Variants in LTBP1 observed in about 807,000 individuals in gnomAD.
LTBP1 encodes latent transforming growth factor beta binding protein 1.
Under a neutral mutation model 207.6 loss-of-function variants are expected in LTBP1, and 129 were observed. The ratio of observed to expected loss-of-function variants is 0.62; its 90% confidence interval spans 0.54 to 0.72. The LOEUF is 0.72. Ranked by LOEUF, LTBP1 falls within the 30% of genes least tolerant of loss-of-function variation. LTBP1 has a pLI of 0.00. For synonymous variants in LTBP1, 963 were observed against 833.7 expected, an observed-to-expected ratio of 1.16 and a Z score of -2.67; for missense variants, 2,281 against 2,217.2, an observed-to-expected ratio of 1.03 and a Z score of -0.58.
chr2:33,020,996 G>A lies in LTBP1; in HGVS notation c.653G>A (p.Cys218Tyr). 1 of 1,613,898 alleles carries A rather than the reference G, an allele frequency of 6.2e-7. No homozygotes were observed. The highest frequency in any genetic ancestry group is 8.5e-7 in the Non-Finnish European group (1 of 1,179,834). The part of the protein sequence containing the change: ...VCKPGTKGKA[C>Y]ETIAAQDTSS... ...AAACCAGGGACCAAGGGCAAAGCCT[G>A]TGAAACAATAGCTGCCCAGGACACC... Residue 218 changes from cysteine (C) to tyrosine (Y), a missense_variant, in exon 3 of 34, where the codon TGT (cysteine) becomes TAT (tyrosine). Around this residue, in one of 3 missense-constraint regions of LTBP1, gnomAD observed 555 missense variants for 491.0 expected, o/e 1.13. Coordinates refer to ENST00000404816, the MANE Select transcript of LTBP1 (RefSeq NM_206943.4).
intron 20 of LTBP1, among the ~76,000 whole-genome samples, chr2:33,296,907 C>T (rs937158882): frequency 6.6e-6 from 1 of 152,046 alleles, no homozygotes; most frequent in African/African-American, 2.4e-5. Context: ...GGAAATAATA[C>T]AGGGACAGAG....
At chr2:33,253,243 TTGAG>T (rs61065171) in intron 11 of LTBP1, among the ~76,000 whole-genome samples, 2,452 of 152,302 alleles carry the variant, frequency 0.016, 25 homozygotes, top group Non-Finnish European at 0.025. Context: ...TACTCATTTA[TTGAG>T]TATCGTGCTT....
intron 23 of LTBP1, among the ~76,000 whole-genome samples, chr2:33,311,535 GA>G (rs11450471): frequency 1.0e-3 from 142 of 138,332 alleles, no homozygotes; most frequent in Middle Eastern, 3.7e-3. Flanking sequence ...CCAAGAGATG[GA>G]AAAAAAAAAA....
chr2:32,949,124 A>G (rs1292941508), intron 2 of LTBP1, among the ~76,000 whole-genome samples, 179 bp downstream of exon 2: 2 of 152,208 alleles, frequency 1.3e-5, no homozygotes, highest in Non-Finnish European at 2.9e-5. Flanking sequence ...GTTAGTATCA[A>G]TGCCAGCAGC....
chr2:33,345,616 C>G (rs2094691666), intron 25 of LTBP1, among the ~76,000 whole-genome samples: 1 of 152,154 alleles, frequency 6.6e-6, no homozygotes, highest in South Asian at 2.1e-4. Flanking sequence ...GTATTTTTCA[C>G]AAGTGAAACC....
chr2:32,979,526 G>A (rs1005923154), intron 2 of LTBP1, among the ~76,000 whole-genome samples: 7 of 151,910 alleles, frequency 4.6e-5, no homozygotes, highest in African/African-American at 1.7e-4. Context: ...ATTGATTTCT[G>A]GTTTTATTCT....
intron 31 of LTBP1, among the ~76,000 whole-genome samples, chr2:33,372,646 G>A (rs957097796): frequency 6.6e-6 from 1 of 151,940 alleles, no homozygotes; most frequent in Non-Finnish European, 1.5e-5. Flanking sequence ...GGCAGAGGTG[G>A]GCAGATCACT....
In LTBP1 at chr2:33,129,301, A is replaced by C. The variant is rs373232834; in HGVS notation, c.1034-5492A>C. ...TTTAGGGATGCGGAACACCCAGAAA[A>C]GTTCAGGACAGGCTCCGGACTGCAG... is the stretch of plus-strand genomic sequence containing the variant. On this transcript the variant is annotated intron_variant, in intron 4 of 33. Coordinates refer to ENST00000404816, the MANE Select transcript of LTBP1 (RefSeq NM_206943.4). Among the ~76,000 whole-genome samples the C allele has an allele frequency of 1.1e-4, 17 of 152,308 alleles. No individual in the cohort carries two copies. In the South Asian group the frequency reaches 3.5e-3, roughly 32 times the overall value.
rs946777010 is a variant in LTBP1, at chr2:33,389,442, G to T, written c.4834+136G>T. 3.0e-5 allele frequency: 36 copies of T among 1,198,584 alleles called. No homozygotes were observed. In the Admixed American group the frequency reaches 5.7e-4, roughly 19 times the overall value. 74.2% of individuals were successfully genotyped at this position (1,198,584 alleles called of 1,614,324 possible). On this transcript the variant is annotated intron_variant, in intron 32 of 33. Coordinates refer to ENST00000404816, the MANE Select transcript of LTBP1 (RefSeq NM_206943.4). Reference sequence around the variant, plus strand: ...CCAGACCTGCTGGTCAGAAAGTCTAGGGTGGGACCCAGCCATCTTTGTTTC... The same window carrying T: ...CCAGACCTGCTGGTCAGAAAGTCTATGGTGGGACCCAGCCATCTTTGTTTC...
At chr2:32,979,370 C>T (rs928844131) in intron 2 of LTBP1, among the ~76,000 whole-genome samples, 3 of 151,930 alleles carry the variant, frequency 2.0e-5, no homozygotes, top group African/African-American at 7.2e-5. Flanking sequence ...TGCTGTATCC[C>T]ATAGGTATAG....
chr2:33,123,787 C>G (rs568827550), intron 4 of LTBP1, among the ~76,000 whole-genome samples: 2 of 152,278 alleles, frequency 1.3e-5, no homozygotes, highest in South Asian at 2.1e-4. Flanking sequence ...GCATGCCAAC[C>G]ATGGTACTAA....
At position 33,132,664 on chromosome 2, in the gene LTBP1, C is replaced by T. The variant is rs78172516; in HGVS notation, c.1034-2129C>T. On this transcript the variant is annotated intron_variant, in intron 4 of 33. Transcript: ENST00000404816. ...TCTGCTTGGCCACTAGGACATCTTG[C>T]CATTTCAGACAACATGTCTTGATCC... is the stretch of plus-strand genomic sequence containing the variant. Among the ~76,000 whole-genome samples the T allele has an allele frequency of 8.0e-3, 1,219 of 152,230 alleles. 11 individuals are homozygous for T. The highest frequency in any genetic ancestry group is 0.012 in the East Asian group (63 of 5,172).
chr2:33,017,979 T>C (rs969821521), intron 2 of LTBP1, among the ~76,000 whole-genome samples: 3 of 152,164 alleles, frequency 2.0e-5, no homozygotes, highest in Non-Finnish European at 4.4e-5. Flanking sequence ...CTCCGTGCTC[T>C]AGGGGGCACC....
chr2:33,117,948 AG>A (rs2080854084), intron 4 of LTBP1, among the ~76,000 whole-genome samples: 1 of 152,164 alleles, frequency 6.6e-6, no homozygotes, highest in Admixed American at 6.5e-5. Context: ...GTTGAAGTTT[AG>A]GATATGGATG....
chr2:33,269,629 C>T (rs2093271014), intron 15 of LTBP1, among the ~76,000 whole-genome samples: 1 of 152,084 alleles, frequency 6.6e-6, no homozygotes. Flanking sequence ...CAGACAGAGC[C>T]CAGTTTCTAG....
intron 26 of LTBP1, among the ~76,000 whole-genome samples, chr2:33,351,735 C>G (rs1418811547): frequency 6.6e-6 from 1 of 152,148 alleles, no homozygotes; most frequent in African/African-American, 2.4e-5. Flanking sequence ...GGTTTTTCAT[C>G]TTTTCCCCCG....
At chr2:33,110,985 A>C (rs776068264) in intron 4 of LTBP1, among the ~76,000 whole-genome samples, 8 of 152,192 alleles carry the variant, frequency 5.3e-5, no homozygotes, top group Non-Finnish European at 1.2e-4. Context: ...CCTGCCTGTC[A>C]TTCTGTTTCT....
chr2:33,068,252 TGTTTA>T (rs1225648771), intron 3 of LTBP1, among the ~76,000 whole-genome samples: 1 of 152,158 alleles, frequency 6.6e-6, no homozygotes, highest in Non-Finnish European at 1.5e-5. Flanking sequence ...AGTAGTTGCA[TGTTTA>T]GTTTTTTTTT....
chr2:33,079,022 C>A (rs1242689117), intron 3 of LTBP1, among the ~76,000 whole-genome samples: 1 of 151,972 alleles, frequency 6.6e-6, no homozygotes, highest in African/African-American at 2.4e-5. Flanking sequence ...CCACGCCCAG[C>A]TAATTTTTGT....
Sources: gnomAD v4.1 joint callset for allele counts (sites outside exome capture counted in the v4.1 genomes callset) on GRCh38, gnomAD v4.1.1 for gene constraint, gnomAD v4.1.1 regional missense constraint, MANE v1.5 for transcripts, NCBI Gene and HGNC (gene_info 2026-07-23, HGNC 2026-07-21) for gene names.